PPIL1: variants seen among roughly 807,000 people sequenced by gnomAD.
PPIL1 encodes the protein peptidylprolyl isomerase like 1, also known as peptidyl-prolyl cis-trans isomerase-like 1.
A neutral mutation model predicts 19.4 loss-of-function variants in PPIL1; 14 were observed. The ratio of observed to expected loss-of-function variants is 0.72; its 90% CI spans 0.48 to 1.13. The LOEUF (loss-of-function observed/expected upper bound fraction) is 1.13, where lower values mean the gene tolerates loss of function less well. Ranked by LOEUF, PPIL1 falls within the 50% of genes most tolerant of loss-of-function variation. The probability of loss-of-function intolerance (pLI) is 0.00; values close to 1 mark genes in which losing one functional copy is unlikely to be tolerated. For missense variants in PPIL1, 192 were observed against 218.0 expected (o/e 0.88, Z 0.75); for synonymous variants, 72 against 73.6 (o/e 0.98, Z 0.11).
intron 2 of PPIL1, among the ~76,000 whole-genome samples, chr6:36,859,966 C>A (rs527846532): frequency 1.3e-5 from 2 of 152,092 alleles, no homozygotes; most frequent in African/African-American, 4.8e-5. Context: ...GTAGCTGGGA[C>A]TACAGGCGCC....
chr6:36,867,867 G>T (rs977670375), intron 2 of PPIL1, among the ~76,000 whole-genome samples: 3 of 152,366 alleles, frequency 2.0e-5, no homozygotes, highest in Middle Eastern at 3.4e-3. Flanking sequence ...AAGACAACCA[G>T]TTCCACATAA....
chr6:36,864,909 T>C (rs1218619138), intron 2 of PPIL1, among the ~76,000 whole-genome samples: 2 of 152,120 alleles, frequency 1.3e-5, no homozygotes, highest in Admixed American at 6.5e-5. Context: ...TTCACTGTTG[T>C]ATCTCCAGCT....
chr6:36,874,650 G>A, intron 1 of PPIL1, 67 bp downstream of exon 1: 1 of 1,579,894 alleles, frequency 6.3e-7, no homozygotes, highest in Non-Finnish European at 8.7e-7. Context: ...CGCCAGGAAC[G>A]CAGACCCGTG....
intron 3 of PPIL1, among the ~76,000 whole-genome samples, 153 bp from the exon 4 acceptor site, chr6:36,856,186 T>C (rs1774164188): frequency 6.6e-6 from 1 of 152,242 alleles, no homozygotes; most frequent in African/African-American, 2.4e-5. Context: ...CTCTCTGCCC[T>C]GTACAAAGGC....
chr6:36,861,458 C>T (rs918091467), intron 2 of PPIL1, among the ~76,000 whole-genome samples: 2 of 152,156 alleles, frequency 1.3e-5, no homozygotes, highest in Admixed American at 6.5e-5. Context: ...AATCCCTGCT[C>T]GCTCAAGTCC....
chr6:36,871,175 T>C (rs760773144), intron 2 of PPIL1, among the ~76,000 whole-genome samples: 1 of 152,214 alleles, frequency 6.6e-6, no homozygotes, highest in Non-Finnish European at 1.5e-5. Context: ...TCTCCAATAA[T>C]GTCAGAGAGG....
At chr6:36,866,339 ATGGAAG>A (rs1477010787) in intron 2 of PPIL1, among the ~76,000 whole-genome samples, 1 of 152,172 alleles carries the variant, frequency 6.6e-6, no homozygotes, top group African/African-American at 2.4e-5. Flanking sequence ...ACAGCTGGGA[ATGGAAG>A]TGGTACATCA....
rs756339179 is a variant in PPIL1 at position 36,871,875 on chromosome 6, G to A, written c.57-3C>T. On this transcript the variant is annotated splice_region_variant and splice_polypyrimidine_tract_variant and intron_variant, in intron 1 of 3. Coordinates refer to ENST00000373699, the MANE Select transcript of PPIL1 (RefSeq NM_016059.5). Reference sequence around the variant, plus strand: ...GCTCCAGCACAATGATTCCCATGCTGCAGAGGGAGAGGACAACAGCTCCAG... The same window carrying A: ...GCTCCAGCACAATGATTCCCATGCTACAGAGGGAGAGGACAACAGCTCCAG... The A allele has an allele frequency of 1.9e-6, 3 of 1,575,740 alleles. No homozygotes were observed. In the Middle Eastern group the frequency reaches 5.0e-4, roughly 264 times the overall value.
Position 36,855,855 on chromosome 6 carries a change from A to G in PPIL1, c.459T>C (p.Pro153=). 1 of 1,614,134 alleles carries G rather than the reference A, an allele frequency of 6.2e-7. No individual in the cohort carries two copies. The highest frequency in any genetic ancestry group is 8.5e-7 in the Non-Finnish European group (1 of 1,180,000). ...CCTTAATGATCTTCACGTCGTCCAC[A>G]GGGCGGTCCTGGGAGTTTGTTTCTA... The part of the protein sequence containing the change: ...GMVETNSQDR[P]VDDVKIIKAY... The change falls in exon 4 of 4, where the codon CCT becomes CCC. Residue 153 remains proline, a synonymous_variant. Coordinates refer to ENST00000373699, the MANE Select transcript of PPIL1 (RefSeq NM_016059.5).
rs1774242627 is a variant in PPIL1, at chr6:36,859,811, T to TGTGTGTGTGTGTG, written c.212-3158_212-3157insCACACACACACAC. On this transcript the variant is annotated intron_variant, in intron 2 of 3. Coordinates refer to ENST00000373699, the MANE Select transcript of PPIL1 (RefSeq NM_016059.5). ...TGAAGATAGGCAGACCTGTTTTCTA[T>TGTGTGTGTGTGTG]TGTGTGTGTGTGTGTGTGTGTGTGT... 2.1e-5 allele frequency among the ~76,000 whole-genome samples: 3 copies of TGTGTGTGTGTGTG among 144,886 alleles called. No homozygotes were observed. The East Asian group carries it at 6.2e-4, about 30-fold the overall frequency.
chr6:36,874,581 G>A, intron 1 of PPIL1, 136 bp downstream of exon 1: 4 of 1,198,200 alleles, frequency 3.3e-6, no homozygotes, highest in Non-Finnish European at 4.8e-6. Flanking sequence ...ACCCTCTGGG[G>A]GCCGTCTCGG....
At chr6:36,860,458 C>G (rs1446166254) in intron 2 of PPIL1, among the ~76,000 whole-genome samples, 1 of 152,092 alleles carries the variant, frequency 6.6e-6, no homozygotes, top group African/African-American at 2.4e-5. Flanking sequence ...AAAAGAGATT[C>G]TTTTCCTCTT....
intron 2 of PPIL1, among the ~76,000 whole-genome samples, chr6:36,870,461 C>T (rs1409170894): frequency 1.3e-5 from 2 of 152,080 alleles, no homozygotes; most frequent in South Asian, 2.1e-4. Context: ...TTCAACTAAC[C>T]GCGACTGAAA....
At chr6:36,862,214 C>T (rs947668177) in intron 2 of PPIL1, among the ~76,000 whole-genome samples, 1 of 148,112 alleles carries the variant, frequency 6.8e-6, no homozygotes, top group African/African-American at 2.5e-5. Context: ...TAATATCCAG[C>T]CCCACAGATG....
intron 1 of PPIL1, among the ~76,000 whole-genome samples, chr6:36,874,203 A>G (rs187758454): frequency 1.6e-3 from 247 of 152,366 alleles, no homozygotes; most frequent in African/African-American, 5.4e-3. Context: ...GAGATGACAT[A>G]CAGCGGGGCA....
At chr6:36,856,793 T>C (rs1403799790) in intron 2 of PPIL1, 139 bp from the exon 3 acceptor site, 6 of 667,984 alleles carry the variant, frequency 9.0e-6, no homozygotes, top group East Asian at 8.1e-5. Flanking sequence ...GCTAGGTATA[T>C]TGCAACTACA....
intron 1 of PPIL1, among the ~76,000 whole-genome samples, chr6:36,872,137 T>C (rs1583121456): frequency 6.6e-6 from 1 of 152,192 alleles, no homozygotes; most frequent in East Asian, 1.9e-4. Context: ...TCTAATACTA[T>C]ACATATATAC....
At chr6:36,858,004 T>C (rs941858607) in intron 2 of PPIL1, among the ~76,000 whole-genome samples, 1 of 151,672 alleles carries the variant, frequency 6.6e-6, no homozygotes, top group Non-Finnish European at 1.5e-5. Context: ...CCAAGGCAGG[T>C]GGATCACGAG....
chr6:36,869,169 A>G lies in PPIL1; in HGVS notation c.211+2549T>C, dbSNP rs182249825. On this transcript the variant is annotated intron_variant, in intron 2 of 3. Coordinates refer to ENST00000373699, the MANE Select transcript of PPIL1 (RefSeq NM_016059.5). ...CCAGCTAATTTTTTATTTTTTGTAG[A>G]GACGGGGTCTCACTATGTCGCCCAG... 2.4e-3 allele frequency among the ~76,000 whole-genome samples: 367 copies of G among 152,184 alleles called. 1 individual carries two copies. Among genetic ancestry groups the G allele is most frequent in the Non-Finnish European group, 4.0e-3 (275 of 68,002 alleles).
Sources: gnomAD v4.1 joint callset for allele counts (sites outside exome capture counted in the v4.1 genomes callset) on GRCh38, gnomAD v4.1.1 for gene constraint, MANE v1.5 for transcripts, NCBI Gene and HGNC (gene_info 2026-07-23, HGNC 2026-07-21) for gene names.